The following PGAP3 variants were observed in gnomAD, a reference collection of about 807,000 sequenced individuals.
The protein encoded by PGAP3 is GPI-specific phospholipase A2-like PGAP3.
Under a neutral mutation model 40.3 loss-of-function variants are expected in PGAP3, and 31 were observed. That is an observed-to-expected ratio of 0.77 (90% CI 0.58 to 1.04). The LOEUF is 1.04. Among genes scored for constraint, PGAP3 ranks in the 50% least tolerant of loss-of-function variants. The pLI is 0.00. For synonymous variants in PGAP3, 191 were observed against 184.5 expected, an observed-to-expected ratio of 1.04 and a Z score of -0.29; for missense variants, 413 against 423.0, an observed-to-expected ratio of 0.98 and a Z score of 0.21.
chr17:39,677,471 G>T (rs568828808), intron 3 of PGAP3, among the ~76,000 whole-genome samples: 2 of 152,238 alleles, frequency 1.3e-5, no homozygotes, highest in Admixed American at 1.3e-4. Flanking sequence ...AATGTGAACC[G>T]AACAGATCCA....
At chr17:39,681,278 C>G (rs1215354598) in intron 3 of PGAP3, among the ~76,000 whole-genome samples, 1 of 152,102 alleles carries the variant, frequency 6.6e-6, no homozygotes, top group Non-Finnish European at 1.5e-5. Context: ...AGTGTGGACT[C>G]TGGAGCCAGA....
intron 3 of PGAP3, 117 bp downstream of exon 3, chr17:39,684,480 G>C: frequency 7.8e-7 from 1 of 1,287,276 alleles, no homozygotes; most frequent in African/African-American, 1.5e-5. Flanking sequence ...TGCAACTTTA[G>C]CCCTGGGAAA....
intron 3 of PGAP3, among the ~76,000 whole-genome samples, chr17:39,675,384 G>C (rs1042692890): frequency 6.6e-6 from 1 of 152,206 alleles, no homozygotes; most frequent in African/African-American, 2.4e-5. Context: ...GTTATCTAGC[G>C]AATGAGCCTA....
rs1331170946 is a variant in PGAP3 at position 39,684,622 on chromosome 17, T to C, written c.407A>G (p.Tyr136Cys). ...CCAGGCGAAGGCCACACAGGTGTGG[T>C]ACATGGGGGAGGAGGCTGGCACGAA... is the stretch of plus-strand genomic sequence containing the variant. ...RTFVPASSPM[Y>C]HTCVAFAWVS... The change falls in exon 3 of 8, where the codon TAC becomes TGC. Residue 136 changes from tyrosine to cysteine, a missense_variant. Tyr to Cys is a radical substitution (Grantham distance 194). Coordinates refer to ENST00000300658, the MANE Select transcript of PGAP3 (RefSeq NM_033419.5). 1 of 1,613,532 alleles carries C rather than the reference T, an allele frequency of 6.2e-7. No homozygotes were observed. Among genetic ancestry groups the C allele is most frequent in the Non-Finnish European group, 8.5e-7 (1 of 1,179,858 alleles).
intron 3 of PGAP3, among the ~76,000 whole-genome samples, chr17:39,675,775 G>A (rs907104704): frequency 1.3e-5 from 2 of 152,128 alleles, no homozygotes; most frequent in Non-Finnish European, 2.9e-5. Context: ...AGGGGTACAG[G>A]CGGGGCAGAA....
At chr17:39,672,958 G>C in intron 7 of PGAP3, 92 bp from the exon 8 acceptor site, 1 of 1,577,536 alleles carries the variant, frequency 6.3e-7, no homozygotes, top group African/African-American at 1.3e-5. Flanking sequence ...GGTGGGAGGG[G>C]GCGGATGGGC....
In PGAP3 at chr17:39,687,731, C is replaced by T. The variant is rs548517639; in HGVS notation, c.181+103G>A. 2.1e-5 allele frequency: 19 copies of T among 909,560 alleles called. No individual in the cohort carries two copies. The South Asian group carries it at 7.2e-4, about 34-fold the overall frequency. The allele number at this position is 909,560 out of a possible 1,614,324, so 56.3% of individuals were successfully genotyped here. On this transcript the variant is annotated intron_variant, in intron 1 of 7. Coordinates refer to ENST00000300658, the MANE Select transcript of PGAP3 (RefSeq NM_033419.5). ...GGGCTTCACTCACATTCATAAGAGACCTCGTGGGGAAACTAAGGTTCAGGG... is the reference window on the plus strand; with the variant it reads ...GGGCTTCACTCACATTCATAAGAGATCTCGTGGGGAAACTAAGGTTCAGGG...
Position 39,684,632 on chromosome 17 carries a change from A to G in PGAP3, c.397T>C (p.Ser133Pro). 6.2e-7 allele frequency: 1 copy of G among 1,613,944 alleles called. No homozygotes were observed. The highest frequency in any genetic ancestry group is 8.5e-7 in the Non-Finnish European group (1 of 1,179,940). The change falls in exon 3 of 8, where the codon TCC becomes CCC. Residue 133 changes from serine (S) to proline (P), a missense_variant. Physicochemically the swap from Ser to Pro is moderately conservative, Grantham distance 74. Transcript: ENST00000300658. The part of the protein sequence containing the change: ...CRYRTFVPAS[S>P]PMYHTCVAFA... ...GCCACACAGGTGTGGTACATGGGGG[A>G]GGAGGCTGGCACGAAGGTGCGGTAG...
Position 39,671,660 on chromosome 17 carries a change from C to A in PGAP3, c.*1143G>T, listed in dbSNP as rs1189739314. On this transcript the variant is annotated 3_prime_UTR_variant, in exon 8 of 8. Transcript: ENST00000300658. ...GGATGGAGAGAGCCCCAGCCATCCC[C>A]ATTTTCCTTCCTCTGCCTCCGAGGG... The A allele has an allele frequency of 1.3e-5, 2 of 152,378 alleles. No homozygotes were observed. Among genetic ancestry groups the A allele is most frequent in the African/African-American group, 4.8e-5 (2 of 41,444 alleles). The allele number at this position is 152,378 out of a possible 1,614,324, so 9.4% of individuals were successfully genotyped here. A position where few individuals can be genotyped will look rare whatever the true frequency, so the allele number is the denominator to read the frequency against.
At chr17:39,685,501 A>AC (rs1396995738) in intron 2 of PGAP3, among the ~76,000 whole-genome samples, 1 of 151,386 alleles carries the variant, frequency 6.6e-6, no homozygotes, top group Admixed American at 6.6e-5. Context: ...CAAAAAAAAA[A>AC]ACAAAAAACA....
At chr17:39,685,443 G>A (rs1238089247) in intron 2 of PGAP3, among the ~76,000 whole-genome samples, 1 of 150,782 alleles carries the variant, frequency 6.6e-6, no homozygotes, top group African/African-American at 2.4e-5. Context: ...AGTGAGCCAA[G>A]ATCATGCCAC....
intron 1 of PGAP3, among the ~76,000 whole-genome samples, chr17:39,687,341 T>A (rs1479515351): frequency 6.6e-6 from 1 of 152,222 alleles, no homozygotes; most frequent in Non-Finnish European, 1.5e-5. Flanking sequence ...CTCAATACGT[T>A]GGTTCTTTGC....
At chr17:39,684,480 GC>G in intron 3 of PGAP3, 116 bp downstream of exon 3, 1 of 1,287,268 alleles carries the variant, frequency 7.8e-7, no homozygotes, top group Non-Finnish European at 1.1e-6. Flanking sequence ...TGCAACTTTA[GC>G]CCTGGGAAAC....
chr17:39,675,655 G>A (rs1173919185), intron 3 of PGAP3, among the ~76,000 whole-genome samples: 1 of 152,248 alleles, frequency 6.6e-6, no homozygotes, highest in Non-Finnish European at 1.5e-5. Flanking sequence ...GCAGGGGACA[G>A]AGGGAGGGGG....
At chr17:39,677,040 G>T (rs1206525779) in intron 3 of PGAP3, among the ~76,000 whole-genome samples, 1 of 152,136 alleles carries the variant, frequency 6.6e-6, no homozygotes. Context: ...TTCACAATGA[G>T]ACAGAGTCTG....
intron 3 of PGAP3, among the ~76,000 whole-genome samples, chr17:39,683,075 CAAATAAAATA>C (rs541252918): frequency 1.1e-3 from 170 of 151,850 alleles, no homozygotes; most frequent in African/African-American, 4.0e-3. Flanking sequence ...GACTTTGTCT[CAAATAAAATA>C]AAATAAAATA....
Position 39,674,664 on chromosome 17 carries a change from A to G in PGAP3, c.448T>C (p.Trp150Arg), listed in dbSNP as rs1276407814. 1 of 1,551,146 alleles carries G rather than the reference A, an allele frequency of 6.4e-7. No individual in the cohort carries two copies. The highest frequency in any genetic ancestry group is 8.7e-7 in the Non-Finnish European group (1 of 1,146,600). Residue 150 changes from tryptophan (W) to arginine (R), a missense_variant, in exon 4 of 8, where the codon TGG becomes CGG. Coordinates refer to ENST00000300658, the MANE Select transcript of PGAP3 (RefSeq NM_033419.5). ...GTGTGGAAAACTGTGGACCAGAACC[A>G]TGCATTGAGGGACACCTAAGGAGGG... ...VAFAWVSLNA[W>R]FWSTVFHTRD... is the part of the protein sequence containing the mutation.
chr17:39,680,195 G>A (rs1286587976), intron 3 of PGAP3, among the ~76,000 whole-genome samples: 1 of 152,232 alleles, frequency 6.6e-6, no homozygotes, highest in Admixed American at 6.5e-5. Context: ...GAAGAGCTAA[G>A]TTCTCAGGCC....
chr17:39,673,913 G>A (rs1457186678), intron 5 of PGAP3, 80 bp downstream of exon 5: 2 of 1,501,448 alleles, frequency 1.3e-6, no homozygotes, highest in Admixed American at 1.8e-5. Flanking sequence ...TAGTGAAGAA[G>A]GCCCCCAGGG....
Sources: allele counts gnomAD v4.1 joint callset (sites outside exome capture counted in the v4.1 genomes callset), GRCh38; gene constraint gnomAD v4.1.1; transcripts MANE v1.5; gene names NCBI Gene and HGNC (gene_info 2026-07-23, HGNC 2026-07-21).